DISC1: variants seen among roughly 807,000 people sequenced by gnomAD.
The protein encoded by DISC1 is DISC1 scaffold protein, also known as disrupted in schizophrenia 1 protein.
A neutral mutation model predicts 84.5 loss-of-function variants in DISC1; 57 were observed. The ratio of observed to expected loss-of-function variants is 0.67; its 90% CI spans 0.55 to 0.84. The LOEUF (loss-of-function observed/expected upper bound fraction) is 0.84, where lower values mean the gene tolerates loss of function less well. DISC1 is among the 40% of genes least tolerant of loss of function. The probability of loss-of-function intolerance (pLI) is 0.00; values close to 1 mark genes in which losing one functional copy is unlikely to be tolerated. For missense variants in DISC1, 1,000 were observed against 1,057.8 expected (o/e 0.95, Z 0.76); for synonymous variants, 411 against 415.2 (o/e 0.99, Z 0.12).
chr1:231,898,907 T>C (rs2087919329), intron 9 of DISC1, among the ~76,000 whole-genome samples: 1 of 151,184 alleles, frequency 6.6e-6, no homozygotes, highest in African/African-American at 2.4e-5. Context: ...CACTCCAGCC[T>C]GGGTGACAGA....
At position 231,639,206 on chromosome 1, in the gene DISC1, C is replaced by T. The variant is rs368226799; in HGVS notation, c.67+12272C>T. On this transcript the variant is annotated intron_variant, in intron 1 of 12. Transcript: ENST00000439617. ...ACAAGCACACTTTTCATGTAGATTG[C>T]GTGTTCAAGATCAACATGCCAAAAG... Among the ~76,000 whole-genome samples, 6 of 152,156 alleles carry T rather than the reference C, an allele frequency of 3.9e-5. No individual in the cohort carries two copies. The South Asian group carries it at 8.3e-4, about 21-fold the overall frequency.
At chr1:231,677,324 C>G (rs926943985) in intron 1 of DISC1, among the ~76,000 whole-genome samples, 1 of 152,172 alleles carries the variant, frequency 6.6e-6, no homozygotes, top group Non-Finnish European at 1.5e-5. Flanking sequence ...AATAATATTA[C>G]TTTAACTGAT....
At chr1:231,824,213 C>T (rs2081697047) in intron 9 of DISC1, among the ~76,000 whole-genome samples, 1 of 152,110 alleles carries the variant, frequency 6.6e-6, no homozygotes, top group African/African-American at 2.4e-5. Context: ...AAGCCGTCTG[C>T]TTTGGAACCA....
rs375866900 is a variant in DISC1 at position 231,908,778 on chromosome 1, G to A, written c.1982-50050G>A. 4.0e-4 allele frequency among the ~76,000 whole-genome samples: 61 copies of A among 152,226 alleles called. 1 individual carries two copies. Among genetic ancestry groups the A allele is most frequent in the African/African-American group, 1.2e-3 (48 of 41,540 alleles). The stretch of plus-strand genomic sequence containing the variant: ...CCTTGGGCAGTATGGCCATTTTCGC[G>A]ATATTGATTCTTCCTATCCATGAGC... On this transcript the variant is annotated intron_variant, in intron 9 of 12. Coordinates refer to ENST00000439617, the MANE Select transcript of DISC1 (RefSeq NM_018662.3).
chr1:231,985,454 G>A (rs976436791), intron 10 of DISC1, among the ~76,000 whole-genome samples: 6 of 152,028 alleles, frequency 3.9e-5, no homozygotes, highest in African/African-American at 7.3e-5. Context: ...CTCAGTTAAC[G>A]TTTTCCTGCC....
intron 3 of DISC1, among the ~76,000 whole-genome samples, chr1:231,710,332 C>T (rs934431250): frequency 6.6e-5 from 10 of 152,052 alleles, no homozygotes; most frequent in Non-Finnish European, 1.5e-4. Context: ...GGGTACAGAG[C>T]AAGACCCTGT....
chr1:231,968,438 TA>T (rs1307537507), intron 10 of DISC1, among the ~76,000 whole-genome samples: 1 of 151,906 alleles, frequency 6.6e-6, no homozygotes. Flanking sequence ...GTAATTAATA[TA>T]AAAGGTGTCC....
At chr1:231,845,980 A>T (rs771351633) in intron 9 of DISC1, among the ~76,000 whole-genome samples, 22 of 152,170 alleles carry the variant, frequency 1.4e-4, no homozygotes, top group Non-Finnish European at 2.6e-4. Context: ...GAGGTCCAGG[A>T]TCAAGGCCCC....
chr1:231,908,606 T>G (rs565782139), intron 9 of DISC1, among the ~76,000 whole-genome samples: 1 of 152,344 alleles, frequency 6.6e-6, no homozygotes, highest in Non-Finnish European at 1.5e-5. Context: ...AGTAGTGTGT[T>G]GCCTCCAGCT....
At chr1:231,869,652 A>G (rs1228927074) in intron 9 of DISC1, among the ~76,000 whole-genome samples, 1 of 151,914 alleles carries the variant, frequency 6.6e-6, no homozygotes, top group Non-Finnish European at 1.5e-5. Context: ...GGGAACTAAT[A>G]GAGTGAGAAT....
chr1:231,728,826 G>GT (rs35213752), intron 3 of DISC1, among the ~76,000 whole-genome samples: 110,787 of 152,084 alleles, frequency 0.73, 40,752 homozygotes, highest in Middle Eastern at 0.83. Context: ...CTTCTCCTTA[G>GT]TATTTATAGA....
chr1:231,661,613 C>G (rs2061569512), intron 1 of DISC1, among the ~76,000 whole-genome samples: 1 of 152,208 alleles, frequency 6.6e-6, no homozygotes, highest in Admixed American at 6.5e-5. Flanking sequence ...ATGTTCCTCT[C>G]TAAACTGGCT....
chr1:231,876,179 A>G (rs2085873545), intron 9 of DISC1, among the ~76,000 whole-genome samples: 1 of 152,224 alleles, frequency 6.6e-6, no homozygotes, highest in Non-Finnish European at 1.5e-5. Flanking sequence ...TGGATCCTTC[A>G]TGAATAGTTT....
chr1:231,746,462 G>T lies in DISC1; in HGVS notation c.1118-3464G>T, dbSNP rs947537319. On this transcript the variant is annotated intron_variant, in intron 3 of 12. Coordinates refer to ENST00000439617, the MANE Select transcript of DISC1 (RefSeq NM_018662.3). ...CTGATTTCCTTTCTTTTGGATAAAT[G>T]TGCAGTAGTGGGATTGCTGGATCAT... Among the ~76,000 whole-genome samples, 16 of 152,288 alleles carry T rather than the reference G, an allele frequency of 1.1e-4. No individual in the cohort carries two copies. The East Asian group carries it at 3.1e-3, about 29-fold the overall frequency.
chr1:231,653,907 C>T (rs958033071), intron 1 of DISC1, among the ~76,000 whole-genome samples: 6 of 152,222 alleles, frequency 3.9e-5, no homozygotes, highest in African/African-American at 1.4e-4. Flanking sequence ...ACATTAGAAG[C>T]TCCCATTTAG....
At chr1:231,879,957 C>G (rs1205486650) in intron 9 of DISC1, among the ~76,000 whole-genome samples, 1 of 152,146 alleles carries the variant, frequency 6.6e-6, no homozygotes, top group African/African-American at 2.4e-5. Context: ...GTCATTATAG[C>G]AATATGGGTG....
chr1:231,887,491 G>T (rs2086855272), intron 9 of DISC1, among the ~76,000 whole-genome samples: 1 of 152,224 alleles, frequency 6.6e-6, no homozygotes. Flanking sequence ...TTCATGTAAA[G>T]AGTTCCTTTT....
At chr1:231,795,940 T>G (rs1299919797) in intron 7 of DISC1, among the ~76,000 whole-genome samples, 1 of 152,168 alleles carries the variant, frequency 6.6e-6, no homozygotes, top group African/African-American at 2.4e-5. Flanking sequence ...AATTAATTAC[T>G]TTTCTTCCCA....
chr1:231,852,559 G>T (rs77288802), intron 9 of DISC1, among the ~76,000 whole-genome samples: 1,748 of 152,342 alleles, frequency 0.011, 30 homozygotes, highest in African/African-American at 0.04. Context: ...CATTCATATA[G>T]CAACATTTGG....
Sources: allele counts gnomAD v4.1 joint callset (sites outside exome capture counted in the v4.1 genomes callset), GRCh38; gene constraint gnomAD v4.1.1; transcripts MANE v1.5; gene names NCBI Gene and HGNC (gene_info 2026-07-23, HGNC 2026-07-21).